The following CIROP variants were observed in gnomAD, a reference collection of about 807,000 sequenced individuals.
CIROP encodes leishmanolysin homolog.
At chr14:23,102,092 C>T in the CIROP span, 3 of 703,014 alleles carry the variant, frequency 4.3e-6, no homozygotes, top group Admixed American at 2.0e-5. Context: ...TATTCCTCAC[C>T]CTGGCCCCAC....
chr14:23,100,791 ATAAAG>A, the CIROP span: 2 of 398,874 alleles, frequency 5.0e-6, no homozygotes, highest in African/African-American at 4.1e-5. Context: ...GAGGAGAGTC[ATAAAG>A]TAAAGGACTT....
chr14:23,101,945 A>G, the CIROP span: 1 of 701,516 alleles, frequency 1.4e-6, no homozygotes, highest in Non-Finnish European at 2.6e-6. Flanking sequence ...GAGAGCCCTC[A>G]GCAAATGAAG....
At chr14:23,104,569 C>T in the CIROP span, 5 of 699,256 alleles carry the variant, frequency 7.2e-6, no homozygotes, top group Non-Finnish European at 1.3e-5. Context: ...GCTCCTCAAC[C>T]CTCCCTGACA....
chr14:23,103,561 G>A, the CIROP span: 2 of 463,246 alleles, frequency 4.3e-6, no homozygotes, highest in East Asian at 3.5e-5. Context: ...GAAAACAAAA[G>A]CAAAATAAAA....
the CIROP span, chr14:23,101,953 A>G: frequency 7.1e-6 from 5 of 701,396 alleles, no homozygotes; most frequent in Non-Finnish European, 1.0e-5. Context: ...TCAGCAAATG[A>G]AGCCCAAACA....
At chr14:23,099,615 A>G in the CIROP span, 4 of 378,164 alleles carry the variant, frequency 1.1e-5, no homozygotes, top group South Asian at 1.5e-4. Flanking sequence ...GCTGGAGTGC[A>G]GTGGTGTGAT....
At chr14:23,103,040 T>A in the CIROP span, 9 of 559,452 alleles carry the variant, frequency 1.6e-5, no homozygotes, top group East Asian at 2.6e-4. Context: ...CAGCATAGGC[T>A]ATGACAGAGG....
the CIROP span, chr14:23,099,540 A>G: frequency 2.7e-5 from 11 of 400,682 alleles, no homozygotes; most frequent in Admixed American, 4.6e-5. Context: ...TAGCCTTAGT[A>G]GATAAAGCGG....
the CIROP span, chr14:23,103,523 C>T: frequency 1.7e-6 from 1 of 589,684 alleles, no homozygotes; most frequent in East Asian, 2.9e-5. Context: ...CGCTGTACTC[C>T]AGCCTGGGCA....
the CIROP span, chr14:23,099,783 T>G: frequency 4.4e-6 from 1 of 229,000 alleles, no homozygotes; most frequent in South Asian, 1.9e-4. Flanking sequence ...CATCCAAGCA[T>G]TAAGCTAAAC....
chr14:23,100,861 G>A, the CIROP span: 5 of 398,852 alleles, frequency 1.3e-5, no homozygotes, highest in African/African-American at 4.1e-5. Context: ...TGCCAGTGCC[G>A]CCTTTGCTCG....
At chr14:23,104,658 C>T in the CIROP span, 2 of 702,946 alleles carry the variant, frequency 2.8e-6, no homozygotes, top group Admixed American at 2.0e-5. Flanking sequence ...GGCTCGGGAT[C>T]CCCCTCTCAT....
chr14:23,102,785 C>T, the CIROP span: 1 of 696,700 alleles, frequency 1.4e-6, no homozygotes, highest in African/African-American at 1.8e-5. Context: ...TATAACCCCT[C>T]TGCCCAATCA....
At chr14:23,101,524 ACCCCAGC>A in the CIROP span, 1 of 641,660 alleles carries the variant, frequency 1.6e-6, no homozygotes, top group East Asian at 2.7e-5. Context: ...GGGATTATCC[ACCCCAGC>A]AGGGAATCCG....
chr14:23,104,891 CA>C, the CIROP span: 7 of 586,278 alleles, frequency 1.2e-5, no homozygotes, highest in African/African-American at 3.4e-5. Flanking sequence ...GTGGCGGCAG[CA>C]GCAGCAGCAG....
the CIROP span, chr14:23,102,554 A>G: frequency 1.4e-6 from 1 of 700,174 alleles, no homozygotes. Context: ...TAAAATTAGA[A>G]GGAAGGACGT....
chr14:23,104,590 C>A, the CIROP span: 1 of 700,116 alleles, frequency 1.4e-6, no homozygotes, highest in Non-Finnish European at 2.6e-6. Context: ...CCTCTGTTCC[C>A]TCACTCACCT....
At chr14:23,103,928 C>T in the CIROP span, 1 of 607,634 alleles carries the variant, frequency 1.6e-6, no homozygotes, top group South Asian at 1.9e-5. Flanking sequence ...GTTATCTAGG[C>T]AGCTGGCTAG....
chr14:23,103,577 C>CAAAACAAAA, the CIROP span: 182 of 621,936 alleles, frequency 2.9e-4, no homozygotes, highest in Admixed American at 4.7e-4. Flanking sequence ...TAAAACAAAA[C>CAAAACAAAA]AAAACAAAAC....
Sources: gnomAD v4.1 joint callset for allele counts on GRCh38, gnomAD v4.1.1 for gene constraint, MANE v1.5 for transcripts, NCBI Gene and HGNC (gene_info 2026-07-23, HGNC 2026-07-21) for gene names.